Variants in FMN1 observed in about 807,000 individuals in gnomAD.
FMN1 encodes formin 1, also known as formin-1.
Under a neutral mutation model 132.4 loss-of-function variants are expected in FMN1, and 110 were observed. That is an observed-to-expected ratio of 0.83 (90% CI 0.71 to 0.97). The LOEUF is 0.97. FMN1 is among the 50% of genes least tolerant of loss of function. The pLI, the probability that FMN1 is intolerant of heterozygous loss-of-function variation, is 0.00. For missense variants in FMN1, 1,792 were observed against 1,705.3 expected, an observed-to-expected ratio of 1.05 and a Z score of -0.90; for synonymous variants, 722 against 651.7, an observed-to-expected ratio of 1.11 and a Z score of -1.64.
intron 5 of FMN1, chr15:33,068,051 G>A: frequency 2.1e-6 from 3 of 1,428,964 alleles, no homozygotes; most frequent in Non-Finnish European, 2.7e-6. Context: ...GGGTCACAGT[G>A]CCCTCCTTCC....
intron 19 of FMN1, among the ~76,000 whole-genome samples, chr15:32,781,803 C>T (rs1338595458): frequency 1.3e-5 from 2 of 152,168 alleles, no homozygotes; most frequent in Non-Finnish European, 2.9e-5. Flanking sequence ...TAATACCACA[C>T]CTAATAACAT....
rs147953705 is a variant in FMN1 at position 32,969,741 on chromosome 15, A to G, written c.2224-264T>C. Among the ~76,000 whole-genome samples, 39 of 152,342 alleles carry G rather than the reference A, an allele frequency of 2.6e-4. No individual in the cohort carries two copies. In the East Asian group the frequency reaches 7.5e-3, roughly 29 times the overall value. The stretch of plus-strand genomic sequence containing the variant: ...ATTTTCATGGATTAAGGCTTAAAGT[A>G]CATCTATTACTTAAGAACTCTTACC... On this transcript the variant is annotated intron_variant, in intron 7 of 20. Transcript: ENST00000616417.
At chr15:33,006,370 A>G (rs970001971) in intron 7 of FMN1, among the ~76,000 whole-genome samples, 1 of 151,910 alleles carries the variant, frequency 6.6e-6, no homozygotes, top group African/African-American at 2.4e-5. Context: ...TAGAATCGCT[A>G]TTGCCAAAAA....
intron 7 of FMN1, among the ~76,000 whole-genome samples, chr15:33,002,648 C>G (rs1374591044): frequency 6.6e-6 from 1 of 152,118 alleles, no homozygotes; most frequent in Non-Finnish European, 1.5e-5. Context: ...CGACTTAGCC[C>G]CAGCAGGTTG....
At chr15:33,134,631 G>A (rs77503952) in intron 4 of FMN1, among the ~76,000 whole-genome samples, 5,486 of 152,314 alleles carry the variant, frequency 0.036, 156 homozygotes, top group Middle Eastern at 0.058. Context: ...ACCGAAAGGA[G>A]AAGAAAGAAA....
chr15:32,859,896 G>C (rs938924946), intron 16 of FMN1, among the ~76,000 whole-genome samples: 1 of 152,080 alleles, frequency 6.6e-6, no homozygotes, highest in African/African-American at 2.4e-5. Context: ...AAGTTATCCA[G>C]GCATGATGGT....
At chr15:33,126,424 AGAG>A (rs747449284) in intron 4 of FMN1, among the ~76,000 whole-genome samples, 28 of 152,264 alleles carry the variant, frequency 1.8e-4, no homozygotes, top group South Asian at 1.7e-3. Context: ...CTGGAGGGTG[AGAG>A]GAGAAGGTGG....
chr15:33,028,255 TC>T (rs2035773010), intron 6 of FMN1, among the ~76,000 whole-genome samples: 1 of 152,172 alleles, frequency 6.6e-6, no homozygotes, highest in African/African-American at 2.4e-5. Context: ...TTGTAAGTTA[TC>T]CCCAAACAGT....
intron 4 of FMN1, among the ~76,000 whole-genome samples, chr15:33,116,590 TTTTTTAAC>T (rs2039935454): frequency 6.6e-6 from 1 of 152,136 alleles, no homozygotes; most frequent in Non-Finnish European, 1.5e-5. Context: ...TTTTTTTTAA[TTTTTTAAC>T]ACCTCCCAGG....
intron 17 of FMN1, among the ~76,000 whole-genome samples, chr15:32,834,317 C>T (rs2058573288): frequency 6.6e-6 from 1 of 152,234 alleles, no homozygotes; most frequent in Admixed American, 6.5e-5. Context: ...ACCTCTTCCT[C>T]TCACATGGTG....
At chr15:32,915,054 A>G (rs753185127) in intron 10 of FMN1, among the ~76,000 whole-genome samples, 6 of 152,252 alleles carry the variant, frequency 3.9e-5, no homozygotes, top group South Asian at 2.1e-4. Context: ...AGCAGAAGCA[A>G]TATCAAGAGA....
intron 9 of FMN1, among the ~76,000 whole-genome samples, chr15:32,944,795 G>T (rs1217369717): frequency 6.6e-6 from 1 of 152,090 alleles, no homozygotes; most frequent in African/African-American, 2.4e-5. Context: ...TTGGAGGGGG[G>T]AGGGTAGGGC....
rs531748348 is a variant in FMN1, at chr15:32,782,461, A to G, written c.4131-5542T>C. On this transcript the variant is annotated intron_variant, in intron 19 of 20. Coordinates refer to ENST00000616417, the MANE Select transcript of FMN1 (RefSeq NM_001277313.2). ...ATTAAGTCTTAAACAAGGAAAAAGA[A>G]AAGATACTCAAGGCCACCCAAATGT... Among the ~76,000 whole-genome samples the G allele has an allele frequency of 1.9e-4, 29 of 152,360 alleles. No homozygotes were observed. The South Asian group carries it at 5.8e-3, about 30-fold the overall frequency.
chr15:32,984,978 CAAAAAAAA>C (rs11330959), intron 7 of FMN1, among the ~76,000 whole-genome samples: 5,229 of 97,392 alleles, frequency 0.054, 379 homozygotes, highest in African/African-American at 0.18. Context: ...CATCCATCAC[CAAAAAAAA>C]AAAAAAAAAA....
In FMN1 at chr15:32,888,345, G is replaced by C. The variant is rs905622379; in HGVS notation, c.3715-53C>G. On this transcript the variant is annotated intron_variant, in intron 15 of 20. Transcript: ENST00000616417. Reference sequence around the variant, plus strand: ...TTATACTTCCCAATTGTCACTTTCAGTTGAAATTCCAAAGCATCAATGAGA... The same window carrying C: ...TTATACTTCCCAATTGTCACTTTCACTTGAAATTCCAAAGCATCAATGAGA... 6 of 1,465,044 alleles carry C rather than the reference G, an allele frequency of 4.1e-6. No individual in the cohort carries two copies. In the East Asian group the frequency reaches 1.4e-4, roughly 34 times the overall value. 90.8% of individuals were successfully genotyped at this position (1,465,044 alleles called of 1,614,324 possible).
intron 15 of FMN1, among the ~76,000 whole-genome samples, chr15:32,888,885 G>A (rs1328753730): frequency 6.7e-6 from 1 of 149,528 alleles, no homozygotes; most frequent in Non-Finnish European, 1.5e-5. Flanking sequence ...TGGAGATAGG[G>A]CCTTGCTTTG....
In FMN1 at chr15:32,937,063, C is replaced by A. The variant is rs184263961; in HGVS notation, c.3139-10802G>T. On this transcript the variant is annotated intron_variant, in intron 9 of 20. Transcript: ENST00000616417. Reference sequence around the variant, plus strand: ...CATTGGACGGATGCTCCGACTTTTTCCTTCTCCAAGGAGAAGCCAGGATTT... The same window carrying A: ...CATTGGACGGATGCTCCGACTTTTTACTTCTCCAAGGAGAAGCCAGGATTT... Among the ~76,000 whole-genome samples, 3 of 152,276 alleles carry A rather than the reference C, an allele frequency of 2.0e-5. No individual in the cohort carries two copies. The East Asian group carries it at 5.8e-4, about 29-fold the overall frequency.
Position 32,883,397 on chromosome 15 carries a change from C to T in FMN1, c.3835+4775G>A, listed in dbSNP as rs1014086632. Among the ~76,000 whole-genome samples, 5 of 150,752 alleles carry T rather than the reference C, an allele frequency of 3.3e-5. No homozygotes were observed. The Admixed American group carries it at 3.3e-4, about 10-fold the overall frequency. ...TGGTGGTATACATCTGTAGTCCCAGCTGCTTAGGAGGCTGAGGTAGGAGGA... is the reference window on the plus strand; with the variant it reads ...TGGTGGTATACATCTGTAGTCCCAGTTGCTTAGGAGGCTGAGGTAGGAGGA... On this transcript the variant is annotated intron_variant, in intron 16 of 20. Coordinates refer to ENST00000616417, the MANE Select transcript of FMN1 (RefSeq NM_001277313.2).
At chr15:32,801,772 G>A (rs2057490078) in intron 18 of FMN1, among the ~76,000 whole-genome samples, 1 of 152,148 alleles carries the variant, frequency 6.6e-6, no homozygotes, top group African/African-American at 2.4e-5. Context: ...TCCAGCCTGG[G>A]CGACAGAATG....
Sources: gnomAD v4.1 joint callset for allele counts (sites outside exome capture counted in the v4.1 genomes callset) on GRCh38, gnomAD v4.1.1 for gene constraint, MANE v1.5 for transcripts, NCBI Gene and HGNC (gene_info 2026-07-23, HGNC 2026-07-21) for gene names.